USP42: variants seen among roughly 807,000 people sequenced by gnomAD.
USP42 encodes the protein ubiquitin carboxyl-terminal hydrolase 42.
In USP42, 23 loss-of-function variants were observed where a neutral mutation model predicts 113.0. That is an observed-to-expected ratio of 0.20 (90% CI 0.15 to 0.29). USP42 has a LOEUF of 0.29. Among genes scored for constraint, USP42 ranks in the 10% least tolerant of loss-of-function variants. USP42 has a pLI of 1.00. For missense variants in USP42, 2,174 were observed against 1,779.8 expected (o/e 1.22, Z -3.99); for synonymous variants, 933 against 699.0 (o/e 1.33, Z -5.28).
chr7:6,130,525 A>G (rs1780795216), intron 3 of USP42, among the ~76,000 whole-genome samples: 1 of 152,164 alleles, frequency 6.6e-6, no homozygotes, highest in African/African-American at 2.4e-5. Context: ...CATGATTGTC[A>G]CAACGTGGGG....
At chr7:6,127,103 T>C (rs1247399321) in intron 3 of USP42, among the ~76,000 whole-genome samples, 1 of 152,232 alleles carries the variant, frequency 6.6e-6, no homozygotes, top group Admixed American at 6.5e-5. Flanking sequence ...CATCTTTTCA[T>C]GTGCTTATTT....
intron 14 of USP42, chr7:6,152,976 C>G (rs1782159653): frequency 2.0e-6 from 2 of 985,244 alleles, no homozygotes; most frequent in Middle Eastern, 5.2e-4. Flanking sequence ...TTAGGAAGAA[C>G]TAGAGGAATT....
At chr7:6,082,289 C>T in the USP42 span, among the ~76,000 whole-genome samples, 1 of 151,522 alleles carries the variant, frequency 6.6e-6, no homozygotes, top group Admixed American at 6.6e-5. Context: ...CCACCAGGCC[C>T]GGCTAATTTT....
At chr7:6,106,002 C>T (rs892888562) in intron 1 of USP42, among the ~76,000 whole-genome samples, 3 of 152,182 alleles carry the variant, frequency 2.0e-5, no homozygotes, top group African/African-American at 7.2e-5. Context: ...CCTAGGTTCT[C>T]GTTTTGGTGG....
chr7:6,117,970 A>G (rs1780006698), intron 3 of USP42, among the ~76,000 whole-genome samples: 1 of 152,090 alleles, frequency 6.6e-6, no homozygotes, highest in Non-Finnish European at 1.5e-5. Context: ...TATATCCTCG[A>G]TATAAGTCTT....
chr7:6,138,296 A>G (rs533535112), intron 4 of USP42, among the ~76,000 whole-genome samples: 32 of 152,342 alleles, frequency 2.1e-4, no homozygotes, highest in Middle Eastern at 6.8e-3. Context: ...TGTTTAATCA[A>G]TTAGAAACAG....
At chr7:6,083,490 A>T in the USP42 span, among the ~76,000 whole-genome samples, 1 of 150,000 alleles carries the variant, frequency 6.7e-6, no homozygotes, top group Non-Finnish European at 1.5e-5. Flanking sequence ...TCCTGACCTC[A>T]AGTAATCTGC....
At chr7:6,145,781 T>A in intron 10 of USP42, 125 bp downstream of exon 10, 1 of 1,158,470 alleles carries the variant, frequency 8.6e-7, no homozygotes, top group Non-Finnish European at 1.2e-6. Context: ...GTAAAAATAT[T>A]TCTCTTGGCC....
the USP42 span, among the ~76,000 whole-genome samples, chr7:6,098,516 G>C: frequency 2.0e-5 from 3 of 150,084 alleles, no homozygotes; most frequent in Non-Finnish European, 4.4e-5. Context: ...TGGCCAGGGG[G>C]ATACAGGAAC....
intron 3 of USP42, among the ~76,000 whole-genome samples, chr7:6,119,939 C>A (rs765001844): frequency 2.0e-5 from 3 of 152,034 alleles, no homozygotes; most frequent in Admixed American, 6.6e-5. Context: ...TACGCTTAAG[C>A]GGTTCTCTTG....
rs1782743082 is a variant in USP42, at chr7:6,160,948, T to TAA, written c.*432_*433dup. 1 of 152,688 alleles carries TAA rather than the reference T, an allele frequency of 6.5e-6. No homozygotes were observed. Among genetic ancestry groups the TAA allele is most frequent in the African/African-American group, 2.4e-5 (1 of 41,474 alleles). The allele number at this position is 152,688 out of a possible 1,614,324, so 9.5% of individuals were successfully genotyped here. A position where few individuals can be genotyped will look rare whatever the true frequency, so the allele number is the denominator to read the frequency against. ...AAACTGACAGTGTGTATATTTAATT[T>TAA]AAAGACTTATTTAAAAACTCACAAG... On this transcript the variant is annotated 3_prime_UTR_variant, in exon 18 of 18. Coordinates refer to ENST00000306177, the MANE Select transcript of USP42 (RefSeq NM_032172.3).
chr7:6,155,035 A>C lies in USP42; in HGVS notation c.3481A>C (p.Lys1161Gln). 6.4e-7 allele frequency: 1 copy of C among 1,563,660 alleles called. No individual in the cohort carries two copies. Among genetic ancestry groups the C allele is most frequent in the East Asian group, 2.4e-5 (1 of 41,876 alleles). The change falls in exon 15 of 18, where the codon AAA (lysine) becomes CAA (glutamine). Residue 1161 changes from lysine to glutamine, a missense_variant. Transcript: ENST00000306177. Reference protein sequence around the residue: ...FHEHENGKSRKRRHDSVENSD... With the variant: ...FHEHENGKSRQRRHDSVENSD... ...CGAACACGAAAATGGAAAGTCCCGG[A>C]AACGGAGACACGACAGTGTGGAGAA...
intron 7 of USP42, among the ~76,000 whole-genome samples, chr7:6,142,406 C>G (rs746761179): frequency 2.6e-5 from 4 of 151,842 alleles, no homozygotes; most frequent in Admixed American, 1.3e-4. Flanking sequence ...TTAGTAGAGA[C>G]GGGGTTTTAC....
rs1219273399 is a variant in USP42, at chr7:6,154,179, C to G, written c.2625C>G (p.Pro875=). Residue 875 remains proline (P), a synonymous_variant, in exon 15 of 18, where the codon CCC becomes CCG. Transcript: ENST00000306177. The stretch of plus-strand genomic sequence containing the variant: ...GCGAGCAGCCACTCCTTGTTCACCC[C>G]AGCGGGGACCACGCCCGGGACGCTC... ...EPCEQPLLVH[P]SGDHARDAQD... is the part of the protein sequence containing the mutation. 3.1e-6 allele frequency: 5 copies of G among 1,599,866 alleles called. No individual in the cohort carries two copies. The South Asian group carries it at 5.5e-5, about 18-fold the overall frequency.
intron 3 of USP42, 52 bp downstream of exon 3, chr7:6,115,575 AT>A: frequency 4.4e-6 from 7 of 1,579,206 alleles, no homozygotes; most frequent in Non-Finnish European, 6.1e-6. Context: ...ACCTACTTTC[AT>A]TTTTTCCTCT....
At chr7:6,113,234 C>T (rs747135308) in intron 2 of USP42, among the ~76,000 whole-genome samples, 3 of 152,016 alleles carry the variant, frequency 2.0e-5, no homozygotes, top group Non-Finnish European at 4.4e-5. Context: ...GTGGGTGTTG[C>T]AGTTTGGCTT....
chr7:6,087,340 CTTTTT>C, the USP42 span, among the ~76,000 whole-genome samples: 26 of 116,492 alleles, frequency 2.2e-4, no homozygotes, highest in South Asian at 7.3e-3. Flanking sequence ...CTAAGCGCTT[CTTTTT>C]TTTTTTTTTT....
intron 3 of USP42, among the ~76,000 whole-genome samples, chr7:6,133,543 C>CT (rs1316902118): frequency 8.5e-5 from 13 of 152,254 alleles, no homozygotes; most frequent in African/African-American, 2.9e-4. Flanking sequence ...GAGACAGGAT[C>CT]TTACTCTGTC....
chr7:6,101,211 G>A (rs532692166), upstream of USP42, among the ~76,000 whole-genome samples: 10 of 151,104 alleles, frequency 6.6e-5, 1 homozygote, highest in African/African-American at 2.0e-4. Context: ...CACCACAGCA[G>A]CAGACAAGGG....
Sources: gnomAD v4.1 joint callset for allele counts (sites outside exome capture counted in the v4.1 genomes callset) on GRCh38, gnomAD v4.1.1 for gene constraint, MANE v1.5 for transcripts, NCBI Gene and HGNC (gene_info 2026-07-23, HGNC 2026-07-21) for gene names.